SLC26A5: variants seen among roughly 807,000 people sequenced by gnomAD.
The protein encoded by SLC26A5 is prestin.
SLC26A5 carries 51 observed loss-of-function variants against 81.0 expected under a neutral mutation model. The observed-to-expected ratio is 0.63, with a 90% CI of 0.50 to 0.80. SLC26A5 has a LOEUF of 0.80. Among genes scored for constraint, SLC26A5 ranks in the 30% least tolerant of loss-of-function variants. SLC26A5 has a pLI of 0.00. For missense variants in SLC26A5, 771 were observed against 905.8 expected (o/e 0.85, Z 1.91); for synonymous variants, 325 against 332.8 (o/e 0.98, Z 0.25).
chr7:103,378,308 T>C, intron 17 of SLC26A5, 138 bp downstream of exon 17: 1 of 806,996 alleles, frequency 1.2e-6, no homozygotes. Flanking sequence ...GCTTGTAAAA[T>C]ATAGAGGATA....
At chr7:103,362,262 A>G (rs1003864127) in intron 19 of SLC26A5, 7 of 1,415,030 alleles carry the variant, frequency 4.9e-6, no homozygotes, top group African/African-American at 4.4e-5. Context: ...CTAACTTCCC[A>G]TCGGCTTCGC....
At chr7:103,395,462 TATATATATATAC>T (rs1216680771) in intron 9 of SLC26A5, among the ~76,000 whole-genome samples, 2 of 143,782 alleles carry the variant, frequency 1.4e-5, no homozygotes, top group African/African-American at 5.1e-5. Context: ...AGTAGATTTA[TATATATATATAC>T]ATATATATAT....
At chr7:103,429,586 T>C (rs1825923228) in intron 2 of SLC26A5, among the ~76,000 whole-genome samples, 1 of 152,248 alleles carries the variant, frequency 6.6e-6, no homozygotes, top group African/African-American at 2.4e-5. Context: ...CTATTCTTAC[T>C]ACTTTTTGGA....
chr7:103,444,143 C>G (rs925669885), intron 1 of SLC26A5, among the ~76,000 whole-genome samples: 1 of 152,164 alleles, frequency 6.6e-6, no homozygotes, highest in Admixed American at 6.5e-5. Context: ...TGGATCTATC[C>G]TCCAACAGAA....
chr7:103,371,285 A>G (rs1821014454), downstream of SLC26A5, among the ~76,000 whole-genome samples: 1 of 152,188 alleles, frequency 6.6e-6, no homozygotes, highest in African/African-American at 2.4e-5. Flanking sequence ...CAGAAAAGTT[A>G]AATACAAATG....
intron 19 of SLC26A5, chr7:103,364,066 G>A (rs1820561532): frequency 1.2e-5 from 16 of 1,380,962 alleles, no homozygotes; most frequent in Non-Finnish European, 1.6e-5. Context: ...AAACATAAAA[G>A]CACTTTGTTG....
At chr7:103,407,364 T>C (rs1165945684) in intron 8 of SLC26A5, among the ~76,000 whole-genome samples, 1 of 152,210 alleles carries the variant, frequency 6.6e-6, no homozygotes, top group East Asian at 1.9e-4. Flanking sequence ...TGCATATTTT[T>C]ATAAACAACT....
At chr7:103,393,137 G>C in intron 9 of SLC26A5, 71 bp from the exon 10 acceptor site, 1 of 1,581,336 alleles carries the variant, frequency 6.3e-7, no homozygotes, top group Middle Eastern at 1.9e-4. Flanking sequence ...TGCGACTGCA[G>C]GGAAGCATTT....
chr7:103,427,075 ATT>A (rs757919944), intron 2 of SLC26A5, among the ~76,000 whole-genome samples: 11 of 142,386 alleles, frequency 7.7e-5, no homozygotes, highest in Admixed American at 1.4e-4. Context: ...TTCATCATAG[ATT>A]TTTTTTTTTT....
At chr7:103,371,547 A>G (rs568342049), downstream of SLC26A5, among the ~76,000 whole-genome samples, 471 of 151,170 alleles carry the variant, frequency 3.1e-3, 12 homozygotes, top group Admixed American at 0.028. Context: ...GGATGATCTC[A>G]ATCTCCTGAC....
rs201951222 is a variant in SLC26A5, at chr7:103,385,156, T to TTTGTTGTTGTTG, written c.1514+3840_1514+3851dup. ...ATCTGCAGAATGATGTGATTGTCTC[T>TTTGTTGTTGTTG]TTGTTGTTGTTGTTGTTGTTGTTGA... On this transcript the variant is annotated intron_variant, in intron 14 of 19. Coordinates refer to ENST00000306312, the MANE Select transcript of SLC26A5 (RefSeq NM_198999.3). Among the ~76,000 whole-genome samples, 16 of 151,606 alleles carry TTTGTTGTTGTTG rather than the reference T, an allele frequency of 1.1e-4. No homozygotes were observed. The South Asian group carries it at 3.2e-3, about 30-fold the overall frequency.
chr7:103,384,794 T>C (rs1288540999), intron 14 of SLC26A5, among the ~76,000 whole-genome samples: 1 of 152,188 alleles, frequency 6.6e-6, no homozygotes, highest in East Asian at 1.9e-4. Flanking sequence ...TGAAATGGCA[T>C]AGAGCATTGA....
intron 8 of SLC26A5, among the ~76,000 whole-genome samples, chr7:103,399,684 C>T (rs1417190439): frequency 6.6e-6 from 1 of 152,172 alleles, no homozygotes; most frequent in East Asian, 1.9e-4. Flanking sequence ...CAACCATCAT[C>T]TACATTAGGT....
chr7:103,360,422 A>G (rs1038344423), intron 19 of SLC26A5, among the ~76,000 whole-genome samples: 38 of 152,052 alleles, frequency 2.5e-4, no homozygotes, highest in African/African-American at 8.9e-4. Context: ...TTGGTAACAG[A>G]AAACAGAGTC....
intron 10 of SLC26A5, among the ~76,000 whole-genome samples, chr7:103,392,288 T>C (rs1586255515): frequency 6.6e-6 from 1 of 152,232 alleles, no homozygotes; most frequent in East Asian, 1.9e-4. Flanking sequence ...TAGGTCACAG[T>C]GTTTGGATTA....
chr7:103,424,032 A>G (rs1482023214), intron 2 of SLC26A5, among the ~76,000 whole-genome samples: 1 of 152,062 alleles, frequency 6.6e-6, no homozygotes, highest in East Asian at 1.9e-4. Context: ...GCTTCCACCT[A>G]CCCTAACTCC....
chr7:103,412,039 G>C (rs1824525892), intron 5 of SLC26A5, among the ~76,000 whole-genome samples: 1 of 152,156 alleles, frequency 6.6e-6, no homozygotes, highest in Non-Finnish European at 1.5e-5. Flanking sequence ...TCCTGGGACT[G>C]CATGGAGAAA....
intron 19 of SLC26A5, chr7:103,363,334 C>A: frequency 1.3e-6 from 2 of 1,599,252 alleles, no homozygotes; most frequent in Non-Finnish European, 8.6e-7. Context: ...CATTTCTGTC[C>A]CTCTCTTAGG....
intron 6 of SLC26A5, 88 bp from the exon 7 acceptor site, chr7:103,410,637 G>T: frequency 7.8e-7 from 1 of 1,289,696 alleles, no homozygotes; most frequent in Non-Finnish European, 1.1e-6. Flanking sequence ...GTTCTTTCTT[G>T]ACCATTTTCT....
Sources: gnomAD v4.1 joint callset for allele counts (sites outside exome capture counted in the v4.1 genomes callset) on GRCh38, gnomAD v4.1.1 for gene constraint, MANE v1.5 for transcripts, NCBI Gene and HGNC (gene_info 2026-07-23, HGNC 2026-07-21) for gene names.